Variants in LDLRAD4 observed in about 807,000 individuals in gnomAD.
The protein encoded by LDLRAD4 is low-density lipoprotein receptor class A domain-containing protein 4.
Under a neutral mutation model 17.0 loss-of-function variants are expected in LDLRAD4, and 5 were observed. The ratio of observed to expected loss-of-function variants is 0.29; its 90% CI spans 0.15 to 0.62. LDLRAD4 has a LOEUF of 0.62. Ranked by LOEUF, LDLRAD4 falls within the 20% of genes least tolerant of loss-of-function variation. LDLRAD4 has a pLI of 0.84. For synonymous variants in LDLRAD4, 168 were observed against 171.8 expected (o/e 0.98, Z 0.17); for missense variants, 340 against 424.7 (o/e 0.80, Z 1.75).
chr18:13,553,904 C>T (rs970996173), intron 3 of LDLRAD4, among the ~76,000 whole-genome samples: 1 of 152,126 alleles, frequency 6.6e-6, no homozygotes, highest in Non-Finnish European at 1.5e-5. Context: ...GAACCGATTT[C>T]CCTGAAATTC....
intron 4 of LDLRAD4, among the ~76,000 whole-genome samples, chr18:13,635,221 T>G (rs1452249286): frequency 6.6e-6 from 1 of 152,190 alleles, no homozygotes; most frequent in East Asian, 1.9e-4. Context: ...GAGACCACAG[T>G]GCCAGCACGG....
chr18:13,536,405 T>G (rs1178190220), intron 3 of LDLRAD4, among the ~76,000 whole-genome samples: 2 of 152,178 alleles, frequency 1.3e-5, no homozygotes, highest in Non-Finnish European at 2.9e-5. Flanking sequence ...TATTTTAAAA[T>G]TTTCATTTTA....
intron 1 of LDLRAD4, among the ~76,000 whole-genome samples, chr18:13,242,466 T>C (rs999132126): frequency 6.6e-6 from 1 of 152,196 alleles, no homozygotes; most frequent in Non-Finnish European, 1.5e-5. Context: ...CACTTTGATA[T>C]GGAAAAACCA....
intron 3 of LDLRAD4, among the ~76,000 whole-genome samples, chr18:13,542,681 G>C (rs919864038): frequency 1.1e-4 from 16 of 152,242 alleles, no homozygotes; most frequent in African/African-American, 3.6e-4. Flanking sequence ...GCGGAGGTGG[G>C]TGCTCCACAC....
chr18:13,587,085 G>A (rs1355275530), intron 3 of LDLRAD4, among the ~76,000 whole-genome samples: 7 of 151,998 alleles, frequency 4.6e-5, no homozygotes, highest in African/African-American at 1.7e-4. Flanking sequence ...AAACACCACC[G>A]CTTCCTTGGG....
At chr18:13,292,811 A>G (rs947287463) in intron 1 of LDLRAD4, among the ~76,000 whole-genome samples, 11 of 152,214 alleles carry the variant, frequency 7.2e-5, no homozygotes, top group African/African-American at 1.9e-4. Context: ...TCCTGATACA[A>G]GTTTTTCATT....
At chr18:13,454,390 A>G (rs1018367784) in intron 3 of LDLRAD4, among the ~76,000 whole-genome samples, 1 of 152,200 alleles carries the variant, frequency 6.6e-6, no homozygotes, top group Non-Finnish European at 1.5e-5. Context: ...TAAGTTGTGA[A>G]TAATATGGAA....
intron 1 of LDLRAD4, among the ~76,000 whole-genome samples, chr18:13,338,123 A>G (rs1029454134): frequency 6.6e-6 from 1 of 152,082 alleles, no homozygotes; most frequent in African/African-American, 2.4e-5. Context: ...CCCCGAAGGG[A>G]GAAATGTATA....
At chr18:13,562,234 G>A (rs1387490411) in intron 3 of LDLRAD4, among the ~76,000 whole-genome samples, 1 of 152,200 alleles carries the variant, frequency 6.6e-6, no homozygotes, top group Non-Finnish European at 1.5e-5. Context: ...GAGGGTAAAT[G>A]ACAGTGCAGC....
At chr18:13,579,919 G>A (rs1252603046) in intron 3 of LDLRAD4, among the ~76,000 whole-genome samples, 1 of 152,160 alleles carries the variant, frequency 6.6e-6, no homozygotes, top group African/African-American at 2.4e-5. Flanking sequence ...TCTCAGCAGG[G>A]CTGCTGTCCG....
intron 2 of LDLRAD4, among the ~76,000 whole-genome samples, chr18:13,396,583 A>C (rs920029107): frequency 2.0e-5 from 3 of 152,208 alleles, no homozygotes; most frequent in Non-Finnish European, 4.4e-5. Flanking sequence ...TCCTGGGCTC[A>C]AGTGATCCTC....
intron 1 of LDLRAD4, among the ~76,000 whole-genome samples, chr18:13,250,406 C>A (rs2043173764): frequency 6.6e-6 from 1 of 151,312 alleles, no homozygotes. Context: ...AGCAGAAATA[C>A]ACAAAATTGA....
chr18:13,312,785 A>G (rs538789285), intron 1 of LDLRAD4, among the ~76,000 whole-genome samples: 2 of 152,290 alleles, frequency 1.3e-5, no homozygotes, highest in Admixed American at 1.3e-4. Flanking sequence ...AACTGAGTTC[A>G]AGGTTAAATA....
intron 5 of LDLRAD4, among the ~76,000 whole-genome samples, chr18:13,644,384 T>C (rs1438377241): frequency 8.3e-6 from 1 of 119,780 alleles, no homozygotes; most frequent in Non-Finnish European, 1.6e-5. Context: ...CTATGCAACA[T>C]GACAAAACCC....
At chr18:13,511,990 A>T (rs773106060) in intron 3 of LDLRAD4, among the ~76,000 whole-genome samples, 13 of 152,238 alleles carry the variant, frequency 8.5e-5, no homozygotes, top group Non-Finnish European at 1.3e-4. Context: ...ATGACAGCTG[A>T]TGTATGTAGT....
intron 3 of LDLRAD4, among the ~76,000 whole-genome samples, chr18:13,523,473 G>A (rs1226661701): frequency 1.3e-5 from 2 of 152,220 alleles, no homozygotes; most frequent in African/African-American, 2.4e-5. Flanking sequence ...GAATGCTGAA[G>A]AGGACCCCAG....
intron 1 of LDLRAD4, among the ~76,000 whole-genome samples, chr18:13,236,164 T>A (rs770102348): frequency 2.1e-4 from 32 of 152,214 alleles, no homozygotes; most frequent in Admixed American, 1.1e-3. Flanking sequence ...TGGTTCCATC[T>A]GGCACCCGTC....
chr18:13,506,228 T>TA (rs898015302), intron 3 of LDLRAD4, among the ~76,000 whole-genome samples: 17 of 151,852 alleles, frequency 1.1e-4, no homozygotes, highest in Non-Finnish European at 2.1e-4. Flanking sequence ...CTTTTTTTTT[T>TA]TTATTATTAT....
rs564352731 is a variant in LDLRAD4 at position 13,495,724 on chromosome 18, G to A, written c.181+57340G>A. ...AGAACAAGAGAAGACTTCAAAGGTCGTAGGGCCCAGCCCTGTCTTTTGGAA... is the reference window on the plus strand; with the variant it reads ...AGAACAAGAGAAGACTTCAAAGGTCATAGGGCCCAGCCCTGTCTTTTGGAA... On this transcript the variant is annotated intron_variant, in intron 3 of 5. Transcript: ENST00000359446. Among the ~76,000 whole-genome samples, 7 of 152,154 alleles carry A rather than the reference G, an allele frequency of 4.6e-5. No homozygotes were observed. In the South Asian group the frequency reaches 6.2e-4, roughly 14 times the overall value.
Sources: gnomAD v4.1 joint callset for allele counts (sites outside exome capture counted in the v4.1 genomes callset) on GRCh38, gnomAD v4.1.1 for gene constraint, MANE v1.5 for transcripts, NCBI Gene and HGNC (gene_info 2026-07-23, HGNC 2026-07-21) for gene names.